The following HTR1F variants were observed in gnomAD, a reference collection of about 807,000 sequenced individuals.
The protein encoded by HTR1F is 5-hydroxytryptamine (serotonin) receptor 1F, G protein-coupled.
In HTR1F, 17 loss-of-function variants were observed where a neutral mutation model predicts 24.0. The ratio of observed to expected loss-of-function variants is 0.71; its 90% CI spans 0.48 to 1.06. HTR1F has a LOEUF of 1.06. Ranked by LOEUF, HTR1F falls within the 50% of genes least tolerant of loss-of-function variation. The pLI, the probability that HTR1F is intolerant of heterozygous loss-of-function variation, is 0.00. For synonymous variants in HTR1F, 186 were observed against 156.8 expected, an observed-to-expected ratio of 1.19 and a Z score of -1.39; for missense variants, 391 against 427.8, an observed-to-expected ratio of 0.91 and a Z score of 0.76.
At chr3:87,851,846 T>C (rs1267840774) in intron 2 of HTR1F, among the ~76,000 whole-genome samples, 1 of 151,412 alleles carries the variant, frequency 6.6e-6, no homozygotes, top group African/African-American at 2.4e-5. Context: ...ACATTTCTTA[T>C]ATATGATGTT....
intron 1 of HTR1F, among the ~76,000 whole-genome samples, chr3:87,813,435 G>T (rs1373048872): frequency 1.3e-5 from 2 of 152,174 alleles, no homozygotes; most frequent in Non-Finnish European, 2.9e-5. Context: ...TAACTAACTT[G>T]CTTTTGATTT....
At chr3:87,867,469 G>T (rs1575965004) in intron 2 of HTR1F, among the ~76,000 whole-genome samples, 1 of 151,522 alleles carries the variant, frequency 6.6e-6, no homozygotes, top group African/African-American at 2.4e-5. Context: ...ATTCGCTCAA[G>T]CATGGGACAA....
chr3:87,962,441 G>A (rs1465511299), intron 2 of HTR1F, among the ~76,000 whole-genome samples: 5 of 151,948 alleles, frequency 3.3e-5, no homozygotes, highest in East Asian at 1.9e-4. Flanking sequence ...AAGATAAGCC[G>A]AGAGAAATTT....
intron 2 of HTR1F, among the ~76,000 whole-genome samples, chr3:87,907,760 T>C (rs1318338162): frequency 6.6e-6 from 1 of 151,956 alleles, no homozygotes; most frequent in East Asian, 1.9e-4. Flanking sequence ...ATCATAATAC[T>C]AGAATTAAAT....
intron 2 of HTR1F, among the ~76,000 whole-genome samples, chr3:87,914,704 G>C (rs1399197235): frequency 2.0e-5 from 3 of 151,890 alleles, no homozygotes; most frequent in Non-Finnish European, 4.4e-5. Context: ...TCCAAGTAGA[G>C]TCTAAGTTTA....
chr3:87,960,034 T>C (rs1345542161), intron 2 of HTR1F, among the ~76,000 whole-genome samples: 5 of 152,024 alleles, frequency 3.3e-5, no homozygotes, highest in Non-Finnish European at 7.4e-5. Context: ...TATTCTCATC[T>C]TGATCCTTAA....
chr3:87,849,049 T>C (rs1705015186), intron 2 of HTR1F, among the ~76,000 whole-genome samples: 2 of 151,352 alleles, frequency 1.3e-5, no homozygotes, highest in Non-Finnish European at 2.9e-5. Context: ...AATTTACAGA[T>C]TCACTACCAT....
chr3:87,794,944 C>T (rs916337285), intron 1 of HTR1F, among the ~76,000 whole-genome samples: 4 of 146,598 alleles, frequency 2.7e-5, no homozygotes, highest in Non-Finnish European at 4.5e-5. Flanking sequence ...TAAAGTTGGG[C>T]GCATATTTTT....
intron 2 of HTR1F, among the ~76,000 whole-genome samples, chr3:87,921,993 G>A (rs1366415866): frequency 6.6e-6 from 1 of 151,968 alleles, no homozygotes; most frequent in Non-Finnish European, 1.5e-5. Flanking sequence ...TAACATGGGA[G>A]TGCAGATATC....
chr3:87,806,825 G>C (rs552779805), intron 1 of HTR1F, among the ~76,000 whole-genome samples: 2 of 152,080 alleles, frequency 1.3e-5, no homozygotes, highest in East Asian at 3.9e-4. Context: ...TGTTTATGGT[G>C]AGAGGTATGA....
intron 2 of HTR1F, among the ~76,000 whole-genome samples, chr3:87,978,566 G>A (rs1484875238): frequency 6.6e-6 from 1 of 152,078 alleles, no homozygotes; most frequent in Non-Finnish European, 1.5e-5. Context: ...CCTCAGGGGA[G>A]AAGAGACCCA....
chr3:87,812,808 G>A (rs536883593), intron 1 of HTR1F, among the ~76,000 whole-genome samples: 57 of 152,210 alleles, frequency 3.7e-4, no homozygotes, highest in Non-Finnish European at 6.2e-4. Context: ...TCCAGCTGTG[G>A]CTAAAAGGGA....
Position 87,809,786 on chromosome 3 carries a change from T to C in HTR1F, c.-159-12222T>C, listed in dbSNP as rs186981251. Among the ~76,000 whole-genome samples, 224 of 152,214 alleles carry C rather than the reference T, an allele frequency of 1.5e-3. 1 individual carries two copies. The highest frequency in any genetic ancestry group is 5.2e-3 in the African/African-American group (215 of 41,566). Reference sequence around the variant, plus strand: ...TAAAAACACATGATTGTCCGATCTTTCTATGTGAAATTTACTTTATTTTAT... The same window carrying C: ...TAAAAACACATGATTGTCCGATCTTCCTATGTGAAATTTACTTTATTTTAT... On this transcript the variant is annotated intron_variant, in intron 1 of 2. Transcript: ENST00000319595.
intron 1 of HTR1F, among the ~76,000 whole-genome samples, chr3:87,818,477 A>C (rs1236762158): frequency 3.3e-5 from 5 of 152,148 alleles, no homozygotes; most frequent in Non-Finnish European, 5.9e-5. Flanking sequence ...CAGCAGAAAA[A>C]TCTGGGGAGC....
intron 2 of HTR1F, among the ~76,000 whole-genome samples, chr3:87,982,586 AG>A (rs1328901451): frequency 1.3e-5 from 2 of 152,232 alleles, no homozygotes; most frequent in Admixed American, 6.5e-5. Context: ...GAGACCAGAC[AG>A]GATCTCTTCA....
In HTR1F at chr3:87,821,191, A is replaced by G. The variant is rs541501991; in HGVS notation, c.-159-817A>G. On this transcript the variant is annotated intron_variant, in intron 1 of 2. Coordinates refer to ENST00000319595, the MANE Select transcript of HTR1F (RefSeq NM_001322209.2). ...ATACGTTGTTTAGATTCTAAGATCC[A>G]TAAGTTTTTCTGCACTGTTTTTTAA... is the stretch of plus-strand genomic sequence containing the variant. 2.5e-4 allele frequency among the ~76,000 whole-genome samples: 38 copies of G among 152,336 alleles called. No homozygotes were observed. The South Asian group carries it at 3.5e-3, about 14-fold the overall frequency.
rs146980261 is a variant in HTR1F at position 87,893,216 on chromosome 3, G to A, written c.-43+71092G>A. The stretch of plus-strand genomic sequence containing the variant: ...TTTTTTATCTGTAAGTCACTTATTT[G>A]GAAACTCAAACCTATCAACTATAAT... On this transcript the variant is annotated intron_variant, in intron 2 of 2. Transcript: ENST00000319595. Among the ~76,000 whole-genome samples, 792 of 152,016 alleles carry A rather than the reference G, an allele frequency of 5.2e-3. 10 individuals carry two copies. Among genetic ancestry groups the A allele is most frequent in the African/African-American group, 0.018 (735 of 41,466 alleles).
intron 2 of HTR1F, among the ~76,000 whole-genome samples, chr3:87,935,583 T>G (rs2915291): frequency 0.05 from 7,639 of 152,190 alleles, 597 homozygotes; most frequent in African/African-American, 0.17. Context: ...GGAAATCAAC[T>G]ACTTGAAAAT....
At chr3:87,871,678 A>G (rs1705561555) in intron 2 of HTR1F, among the ~76,000 whole-genome samples, 1 of 152,128 alleles carries the variant, frequency 6.6e-6, no homozygotes, top group African/African-American at 2.4e-5. Flanking sequence ...AAAGCAACTC[A>G]TGACATATAA....
Sources: allele counts gnomAD v4.1 joint callset (sites outside exome capture counted in the v4.1 genomes callset), GRCh38; gene constraint gnomAD v4.1.1; transcripts MANE v1.5; gene names NCBI Gene and HGNC (gene_info 2026-07-23, HGNC 2026-07-21).